The following NLGN1 variants were observed in gnomAD, a reference collection of about 807,000 sequenced individuals.
NLGN1 encodes the protein neuroligin 1, also known as neuroligin-1.
NLGN1 carries 12 observed loss-of-function variants against 65.5 expected under a neutral mutation model. That is an observed-to-expected ratio of 0.18 (90% confidence interval 0.12 to 0.30). The LOEUF (loss-of-function observed/expected upper bound fraction) is 0.30, where lower values mean the gene tolerates loss of function less well. Ranked by LOEUF, NLGN1 falls within the 10% of genes least tolerant of loss-of-function variation. NLGN1 has a pLI of 1.00. For missense variants in NLGN1, 750 were observed against 1,007.1 expected, an observed-to-expected ratio of 0.74 and a Z score of 3.46; for synonymous variants, 350 against 359.5, an observed-to-expected ratio of 0.97 and a Z score of 0.30.
chr3:173,976,886 C>T (rs908271306), intron 4 of NLGN1, among the ~76,000 whole-genome samples: 1 of 152,080 alleles, frequency 6.6e-6, no homozygotes, highest in African/African-American at 2.4e-5. Flanking sequence ...ATTTTCACTT[C>T]ACTGACTTGT....
At chr3:173,411,818 T>C (rs1216428304) in intron 1 of NLGN1, among the ~76,000 whole-genome samples, 1 of 152,066 alleles carries the variant, frequency 6.6e-6, no homozygotes, top group East Asian at 1.9e-4. Context: ...ACATCTGTGG[T>C]TGCGAATAGA....
chr3:173,528,583 T>C (rs1391996445), intron 2 of NLGN1, among the ~76,000 whole-genome samples: 3 of 152,218 alleles, frequency 2.0e-5, no homozygotes, highest in African/African-American at 7.2e-5. Context: ...CTATAATTCA[T>C]AGGTTTGGTC....
chr3:173,854,065 A>G (rs1472785706), intron 4 of NLGN1, among the ~76,000 whole-genome samples: 2 of 152,060 alleles, frequency 1.3e-5, no homozygotes, highest in Non-Finnish European at 2.9e-5. Context: ...AACTCTTAAA[A>G]TTCAAACATC....
chr3:174,177,184 A>T (rs1430905143), intron 4 of NLGN1, among the ~76,000 whole-genome samples: 1 of 152,010 alleles, frequency 6.6e-6, no homozygotes, highest in Non-Finnish European at 1.5e-5. Flanking sequence ...AACAATAAAC[A>T]TTTTCTTATT....
chr3:174,169,519 C>T (rs553988580), intron 4 of NLGN1, among the ~76,000 whole-genome samples: 3 of 152,106 alleles, frequency 2.0e-5, no homozygotes, highest in South Asian at 4.2e-4. Context: ...GGGCATGGAG[C>T]AGAGAGAGTC....
At chr3:173,417,802 T>C (rs1714096801) in intron 1 of NLGN1, among the ~76,000 whole-genome samples, 2 of 151,970 alleles carry the variant, frequency 1.3e-5, no homozygotes, top group African/African-American at 4.8e-5. Context: ...ATATGAAATA[T>C]TAAATTAACT....
chr3:173,864,114 T>C (rs1028651399), intron 4 of NLGN1, among the ~76,000 whole-genome samples: 1 of 152,230 alleles, frequency 6.6e-6, no homozygotes, highest in African/African-American at 2.4e-5. Context: ...AATGGACTGT[T>C]GAATGGCTTG....
intron 2 of NLGN1, among the ~76,000 whole-genome samples, chr3:173,577,298 T>C (rs1225921153): frequency 6.6e-6 from 1 of 152,224 alleles, no homozygotes; most frequent in Non-Finnish European, 1.5e-5. Context: ...ATGAGTATAC[T>C]TTCTGTTATC....
At chr3:173,574,014 G>A (rs1745083172) in intron 2 of NLGN1, among the ~76,000 whole-genome samples, 2 of 129,184 alleles carry the variant, frequency 1.5e-5, no homozygotes, top group South Asian at 2.5e-4. Flanking sequence ...AGTGAGCCGA[G>A]ATGGCATCAC....
chr3:173,592,069 C>T (rs1748590399), intron 2 of NLGN1, among the ~76,000 whole-genome samples: 1 of 152,114 alleles, frequency 6.6e-6, no homozygotes, highest in South Asian at 2.1e-4. Context: ...AAACTGTTGC[C>T]CATGACTTTT....
chr3:174,277,675 A>G (rs911435173), intron 5 of NLGN1, among the ~76,000 whole-genome samples: 1 of 151,910 alleles, frequency 6.6e-6, no homozygotes, highest in Admixed American at 6.6e-5. Flanking sequence ...ACCAAAACAA[A>G]TGTATATTAA....
chr3:174,207,835 G>A (rs1421420), intron 4 of NLGN1, among the ~76,000 whole-genome samples: 112,756 of 152,070 alleles, frequency 0.74, 41,848 homozygotes, highest in East Asian at 0.8. Context: ...GCCTTCAGTA[G>A]AAGTTGAATT....
At chr3:173,471,269 A>G (rs902335759) in intron 2 of NLGN1, among the ~76,000 whole-genome samples, 14 of 151,984 alleles carry the variant, frequency 9.2e-5, no homozygotes, top group Non-Finnish European at 1.6e-4. Flanking sequence ...TAGCAACAAA[A>G]TTTTTTTGTT....
intron 2 of NLGN1, among the ~76,000 whole-genome samples, chr3:173,520,288 G>A (rs1418316488): frequency 6.6e-6 from 1 of 152,158 alleles, no homozygotes; most frequent in East Asian, 1.9e-4. Flanking sequence ...ATACAGTCTT[G>A]TAACATGCTG....
intron 3 of NLGN1, among the ~76,000 whole-genome samples, chr3:173,682,142 T>C (rs1290748483): frequency 6.6e-6 from 1 of 152,200 alleles, no homozygotes; most frequent in African/African-American, 2.4e-5. Flanking sequence ...ATAATAGTAG[T>C]GCCCACATCA....
intron 4 of NLGN1, among the ~76,000 whole-genome samples, chr3:173,853,570 A>G (rs1727382612): frequency 1.3e-5 from 2 of 152,264 alleles, no homozygotes; most frequent in East Asian, 3.9e-4. Flanking sequence ...TTTATAATGT[A>G]GTATTATGGG....
chr3:173,478,857 A>C (rs892978997), intron 2 of NLGN1, among the ~76,000 whole-genome samples: 1 of 151,890 alleles, frequency 6.6e-6, no homozygotes, highest in Non-Finnish European at 1.5e-5. Flanking sequence ...GCACCACTGC[A>C]CTCCAGCATG....
At chr3:174,036,798 T>C (rs1731231439) in intron 4 of NLGN1, among the ~76,000 whole-genome samples, 2 of 152,030 alleles carry the variant, frequency 1.3e-5, no homozygotes, top group South Asian at 4.1e-4. Flanking sequence ...GGTTCCCCTC[T>C]CTGTGTCCAT....
chr3:173,591,233 A>G (rs1258363220), intron 2 of NLGN1, among the ~76,000 whole-genome samples: 1 of 152,194 alleles, frequency 6.6e-6, no homozygotes, highest in Non-Finnish European at 1.5e-5. Flanking sequence ...TTGATATACT[A>G]TTTGTGTTAC....
Sources: gnomAD v4.1 joint callset for allele counts (sites outside exome capture counted in the v4.1 genomes callset) on GRCh38, gnomAD v4.1.1 for gene constraint, MANE v1.5 for transcripts, NCBI Gene and HGNC (gene_info 2026-07-23, HGNC 2026-07-21) for gene names.